The following MADD variants were observed in gnomAD, a reference collection of about 807,000 sequenced individuals.
MADD encodes MAP kinase activating death domain.
In MADD, 109 loss-of-function variants were observed where a neutral mutation model predicts 176.7. That is an observed-to-expected ratio of 0.62 (90% CI 0.53 to 0.72). The LOEUF (loss-of-function observed/expected upper bound fraction) is 0.72. Ranked by LOEUF, MADD falls within the 30% of genes least tolerant of loss-of-function variation. The pLI, the probability that MADD is intolerant of heterozygous loss-of-function variation, is 0.00. For missense variants in MADD, 1,914 were observed against 2,045.5 expected (o/e 0.94, Z 1.24); for synonymous variants, 771 against 771.3 (o/e 1.00, Z 0.01).
At chr11:47,309,669 C>G in intron 25 of MADD, 57 bp downstream of exon 28, 1 of 1,361,032 alleles carries the variant, frequency 7.3e-7, no homozygotes, top group Non-Finnish European at 1.1e-6. Context: ...AAGGCTTGTT[C>G]CTGTCGCCTA....
chr11:47,286,489 A>T, exon 15 of MADD: 1 of 1,614,134 alleles, frequency 6.2e-7, no homozygotes, highest in Non-Finnish European at 8.5e-7. Context: ...CACACTGCCC[A>T]CCAAAGGTGC....
At chr11:47,286,583 T>G (rs747214167) in intron 15 of MADD, 49 bp downstream of exon 15, 2 of 1,445,212 alleles carry the variant, frequency 1.4e-6, no homozygotes, top group Non-Finnish European at 1.9e-6. Flanking sequence ...GGGAGATGTT[T>G]CGGGCTGTGG....
At position 47,276,686 on chromosome 11, in the gene MADD, C is replaced by T. The variant is rs780810859; in HGVS notation, c.964-46C>T. The T allele has an allele frequency of 9.4e-6, 15 of 1,599,006 alleles. No individual in the cohort carries two copies. In the South Asian group the frequency reaches 1.4e-4, roughly 15 times the overall value. On this transcript the variant is annotated intron_variant, in intron 4 of 32. Transcript: ENST00000402192. ...TGTTGGAAGCTGTTTTCTTGTAAAC[C>T]ATATTTTATGTTTTGGAGTGATTCT...
intron 27 of MADD, among the ~76,000 whole-genome samples, chr11:47,318,990 T>C (rs763234734): frequency 1.3e-5 from 2 of 150,520 alleles, no homozygotes; most frequent in Non-Finnish European, 3.0e-5. Context: ...GTATTTGTAG[T>C]AGAGACGGGG....
At chr11:47,286,609 C>T in intron 15 of MADD, 75 bp downstream of exon 15, 1 of 1,088,438 alleles carries the variant, frequency 9.2e-7, no homozygotes, top group Non-Finnish European at 1.4e-6. Context: ...TGTCAGGAGC[C>T]CTGCATCTGC....
rs577038538 is a variant in MADD at position 47,323,943 on chromosome 11, C to A, written c.4362+108C>A. ...AAAACACACATCTGGAGCCACACTT[C>A]TGTCTCCAGCTGTTGGGTGGAGTAC... On this transcript the variant is annotated intron_variant, in intron 28 of 32. Transcript: ENST00000402192. The A allele has an allele frequency of 2.6e-5, 32 of 1,215,958 alleles. No homozygotes were observed. In the East Asian group the frequency reaches 5.4e-4, roughly 21 times the overall value. The allele number at this position is 1,215,958 out of a possible 1,614,324, so 75.3% of individuals were successfully genotyped here. A position where few individuals can be genotyped will look rare whatever the true frequency, so the allele number is the denominator to read the frequency against.
chr11:47,278,384 T>G (rs1490929806), intron 6 of MADD, 106 bp downstream of exon 6: 2 of 823,810 alleles, frequency 2.4e-6, no homozygotes, highest in Non-Finnish European at 4.0e-6. Context: ...TCCTAAGTTG[T>G]TGGATAATTT....
intron 22 of MADD, among the ~76,000 whole-genome samples, chr11:47,299,127 G>C (rs2139741494): frequency 6.6e-6 from 1 of 152,036 alleles, no homozygotes; most frequent in Admixed American, 6.6e-5. Flanking sequence ...ATTCCTTTTT[G>C]TCCAGGATTG....
chr11:47,285,358 G>T, intron 13 of MADD, 93 bp from the exon 14 acceptor site: 1 of 1,571,450 alleles, frequency 6.4e-7, no homozygotes. Flanking sequence ...TTACGGGAAG[G>T]GAGTGGCAAC....
intron 15 of MADD, 28 bp from the exon 16 acceptor site, chr11:47,288,940 C>A: frequency 1.3e-6 from 2 of 1,551,594 alleles, no homozygotes; most frequent in Admixed American, 1.9e-5. Flanking sequence ...TTGTGGTACA[C>A]CTACTAATTG....
At chr11:47,294,976 G>A (rs973233745) in intron 20 of MADD, among the ~76,000 whole-genome samples, 7 of 151,724 alleles carry the variant, frequency 4.6e-5, no homozygotes, top group Non-Finnish European at 8.8e-5. Flanking sequence ...ATTTTCTACA[G>A]TGAGCATGTA....
At chr11:47,281,897 T>C in intron 8 of MADD, 144 bp downstream of exon 8, 1 of 473,548 alleles carries the variant, frequency 2.1e-6, no homozygotes, top group Non-Finnish European at 3.3e-6. Flanking sequence ...TGCAATGGCA[T>C]AATCTCAGCT....
At chr11:47,287,322 A>C (rs1244127958) in intron 15 of MADD, among the ~76,000 whole-genome samples, 1 of 152,176 alleles carries the variant, frequency 6.6e-6, no homozygotes, top group African/African-American at 2.4e-5. Context: ...ACTCCGTCTT[A>C]AAAAAACAAA....
At chr11:47,273,831 C>T (rs2047258302) in exon 2 of MADD, 4 of 1,243,250 alleles carry the variant, frequency 3.2e-6, no homozygotes, top group Non-Finnish European at 4.7e-6. Context: ...TATTAGACTT[C>T]GATTTTCAGA....
exon 28 of MADD, chr11:47,323,704 A>G (rs1354454369): frequency 6.8e-6 from 11 of 1,614,038 alleles, no homozygotes; most frequent in African/African-American, 1.3e-5. Flanking sequence ...GCGTAGTAAC[A>G]TCGGAACAGT....
chr11:47,309,599 T>C (rs1415646257), exon 25 of MADD: 2 of 1,613,266 alleles, frequency 1.2e-6, no homozygotes, highest in African/African-American at 1.3e-5. Context: ...ATCTCCTACA[T>C]GCTGCTGATG....
chr11:47,271,645 G>C (rs1410121432), intron 1 of MADD, among the ~76,000 whole-genome samples: 1 of 152,138 alleles, frequency 6.6e-6, no homozygotes, highest in African/African-American at 2.4e-5. Context: ...TAGATTGCAA[G>C]GTGTAGTCTA....
intron 25 of MADD, 129 bp from the exon 29 acceptor site, chr11:47,311,603 T>A (rs2089298779): frequency 1.6e-6 from 1 of 644,958 alleles, no homozygotes; most frequent in Non-Finnish European, 2.8e-6. Context: ...TCTCCCATGT[T>A]CAGTGATGTG....
rs748618890 is a variant in MADD, at chr11:47,278,193, T to C, written c.1124T>C (p.Ile375Thr). 5.3e-5 allele frequency: 85 copies of C among 1,613,822 alleles called. 2 individuals carry two copies. In the South Asian group the frequency reaches 6.7e-4, roughly 13 times the overall value. ...CTGTTGGCTCCAACCCCGTACATCA[T>C]TGGGGTTCCTGCCAGCTTCTTCCTC... Residue 375 changes from isoleucine to threonine, a missense_variant, in exon 6 of 33, where the codon ATT (isoleucine) becomes ACT (threonine). Around this residue, in one of 2 missense-constraint regions of MADD, gnomAD observed 1,767 missense variants for 1,836.0 expected, o/e 0.96. Transcript: ENST00000402192.
Sources: allele counts gnomAD v4.1 joint callset (sites outside exome capture counted in the v4.1 genomes callset), GRCh38; gene constraint gnomAD v4.1.1; regional missense constraint gnomAD v4.1.1; transcripts MANE v1.5; gene names NCBI Gene and HGNC (gene_info 2026-07-23, HGNC 2026-07-21).